FRAS1: variants seen among roughly 807,000 people sequenced by gnomAD.
FRAS1 encodes the protein extracellular matrix organizing protein FRAS1.
A neutral mutation model predicts 435.2 loss-of-function variants in FRAS1; 290 were observed. The observed-to-expected ratio is 0.67, with a 90% CI of 0.61 to 0.73. FRAS1 has a LOEUF of 0.73. Ranked by LOEUF, FRAS1 falls within the 30% of genes least tolerant of loss-of-function variation. The pLI is 0.00. For missense variants in FRAS1, 4,860 were observed against 5,001.5 expected (o/e 0.97, Z 0.85); for synonymous variants, 1,800 against 1,851.0 (o/e 0.97, Z 0.71).
chr4:78,445,392 C>T (rs1718770927), intron 41 of FRAS1, 130 bp from the exon 42 acceptor site: 1 of 1,230,652 alleles, frequency 8.1e-7, no homozygotes, highest in East Asian at 2.7e-5. Context: ...GTGCTTATCC[C>T]ACTCTCCCAA....
intron 14 of FRAS1, among the ~76,000 whole-genome samples, chr4:78,291,890 G>A (rs1210805624): frequency 6.6e-6 from 1 of 152,148 alleles, no homozygotes; most frequent in Non-Finnish European, 1.5e-5. Flanking sequence ...GGATTATAAG[G>A]GATAGGATTA....
intron 2 of FRAS1, among the ~76,000 whole-genome samples, chr4:78,196,331 A>G (rs908287723): frequency 1.3e-5 from 2 of 152,120 alleles, no homozygotes; most frequent in African/African-American, 4.8e-5. Context: ...TAACAAGATC[A>G]TATCTTATTG....
chr4:78,288,564 A>G (rs1009887100), intron 14 of FRAS1, among the ~76,000 whole-genome samples: 1 of 152,188 alleles, frequency 6.6e-6, no homozygotes, highest in Non-Finnish European at 1.5e-5. Context: ...CCATCCACAT[A>G]TCTACACACA....
intron 61 of FRAS1, among the ~76,000 whole-genome samples, chr4:78,504,637 T>C (rs1720777258): frequency 6.6e-6 from 1 of 152,208 alleles, no homozygotes; most frequent in African/African-American, 2.4e-5. Flanking sequence ...GAGATGGATC[T>C]CCTGAATACA....
intron 69 of FRAS1, among the ~76,000 whole-genome samples, 179 bp from the exon 70 acceptor site, chr4:78,526,362 T>G (rs1427055632): frequency 2.0e-5 from 3 of 152,214 alleles, no homozygotes; most frequent in Admixed American, 2.0e-4. Context: ...GATAATACTC[T>G]GAAGGTTAGG....
Position 78,511,514 on chromosome 4 carries a change from A to T in FRAS1, c.10013+8A>T. The T allele has an allele frequency of 6.2e-7, 1 of 1,601,110 alleles. No homozygotes were observed. Among genetic ancestry groups the T allele is most frequent in the Non-Finnish European group, 8.5e-7 (1 of 1,169,624 alleles). ...TAAGGAGCATCCGAACAGGTCAGGC[A>T]GGTGGTGCCTTCCACCACACATAGA... is the stretch of plus-strand genomic sequence containing the variant. On this transcript the variant is annotated splice_region_variant and intron_variant, in intron 64 of 73. Transcript: ENST00000512123.
chr4:78,323,270 C>T (rs1263484752), intron 18 of FRAS1, among the ~76,000 whole-genome samples: 2 of 152,142 alleles, frequency 1.3e-5, no homozygotes, highest in African/African-American at 4.8e-5. Context: ...AATAATCAGT[C>T]CGAATTGTGC....
intron 2 of FRAS1, chr4:78,181,791 C>G: frequency 1.9e-6 from 3 of 1,611,782 alleles, no homozygotes; most frequent in Non-Finnish European, 2.5e-6. Flanking sequence ...ACCACGCCAA[C>G]GCTGCGGGGC....
chr4:78,214,485 A>G (rs1377830145), intron 2 of FRAS1, among the ~76,000 whole-genome samples: 1 of 152,222 alleles, frequency 6.6e-6, no homozygotes, highest in East Asian at 1.9e-4. Flanking sequence ...GTCTTCCTTC[A>G]TCTGCCTTTC....
Position 78,249,064 on chromosome 4 carries a change from C to CATATATATATATATGCAT in FRAS1, c.310-3314_310-3313insGCATATATATATATATAT, listed in dbSNP as rs1553934032. Among the ~76,000 whole-genome samples, 21 of 16,590 alleles carry CATATATATATATATGCAT rather than the reference C, an allele frequency of 1.3e-3. 2 individuals carry two copies. Among genetic ancestry groups the CATATATATATATATGCAT allele is most frequent in the African/African-American group, 2.1e-3 (20 of 9,440 alleles). The allele number at this position is 16,590 out of a possible 152,430, so 10.9% of individuals were successfully genotyped here. On this transcript the variant is annotated intron_variant, in intron 4 of 73. Transcript: ENST00000512123. ...AGAACTACTGATATATATATATATG[C>CATATATATATATATGCAT]ATATATATATATATATATATATGCA...
intron 33 of FRAS1, among the ~76,000 whole-genome samples, chr4:78,421,272 C>G (rs182931994): frequency 5.1e-4 from 77 of 152,184 alleles, no homozygotes; most frequent in African/African-American, 1.8e-3. Context: ...CTCAGCCTCC[C>G]GGGTAGCTGG....
chr4:78,480,931 A>C (rs986775832), intron 56 of FRAS1, among the ~76,000 whole-genome samples: 1 of 152,224 alleles, frequency 6.6e-6, no homozygotes. Flanking sequence ...TTAATATTCT[A>C]TGGAAGAGAG....
At chr4:78,355,707 A>G (rs1420311862) in intron 20 of FRAS1, among the ~76,000 whole-genome samples, 2 of 152,190 alleles carry the variant, frequency 1.3e-5, no homozygotes, top group Admixed American at 1.3e-4. Context: ...GTCTGATACA[A>G]GTTAAACAGT....
At chr4:78,465,005 C>T (rs1719483809) in intron 49 of FRAS1, among the ~76,000 whole-genome samples, 1 of 152,188 alleles carries the variant, frequency 6.6e-6, no homozygotes, top group Admixed American at 6.5e-5. Flanking sequence ...CTAATTATTA[C>T]AATTTGAGCC....
chr4:78,336,034 A>G (rs1390091362), intron 19 of FRAS1, among the ~76,000 whole-genome samples: 1 of 152,014 alleles, frequency 6.6e-6, no homozygotes, highest in African/African-American at 2.4e-5. Flanking sequence ...TATTACATGA[A>G]TTTCTGGAGT....
At chr4:78,401,602 T>C (rs908878324) in intron 30 of FRAS1, among the ~76,000 whole-genome samples, 3 of 152,020 alleles carry the variant, frequency 2.0e-5, no homozygotes, top group Non-Finnish European at 4.4e-5. Context: ...GGAATTAAGA[T>C]GCTGCATAAA....
At position 78,429,090 on chromosome 4, in the gene FRAS1, T is replaced by G; in HGVS notation, c.4712-5T>G. ...TCTGTGTGTGTGTGCATTTATCCTTTTTAGTTTCAGATGGAGAACACACAA... is the reference window on the plus strand; with the variant it reads ...TCTGTGTGTGTGTGCATTTATCCTTGTTAGTTTCAGATGGAGAACACACAA... On this transcript the variant is annotated splice_region_variant and splice_polypyrimidine_tract_variant and intron_variant, in intron 35 of 73. Transcript: ENST00000512123. 1 of 1,552,274 alleles carries G rather than the reference T, an allele frequency of 6.4e-7. No homozygotes were observed. The highest frequency in any genetic ancestry group is 1.4e-5 in the African/African-American group (1 of 73,070).
chr4:78,466,497 G>A (rs1338008543), intron 50 of FRAS1, 62 bp downstream of exon 50: 10 of 1,216,294 alleles, frequency 8.2e-6, no homozygotes, highest in Non-Finnish European at 1.1e-5. Context: ...AGAACATGGA[G>A]TTTTACATCA....
chr4:78,277,467 A>C (rs1047334160), intron 9 of FRAS1, among the ~76,000 whole-genome samples: 18 of 152,086 alleles, frequency 1.2e-4, no homozygotes, highest in African/African-American at 3.9e-4. Context: ...CGCCCCCCCC[A>C]TTCTTTAGAA....
Sources: gnomAD v4.1 joint callset for allele counts (sites outside exome capture counted in the v4.1 genomes callset) on GRCh38, gnomAD v4.1.1 for gene constraint, MANE v1.5 for transcripts, NCBI Gene and HGNC (gene_info 2026-07-23, HGNC 2026-07-21) for gene names.